Variants in NDST3 observed in about 807,000 individuals in gnomAD.
NDST3 encodes the protein bifunctional heparan sulfate N-deacetylase/N-sulfotransferase 3.
A neutral mutation model predicts 96.1 loss-of-function variants in NDST3; 58 were observed. The observed-to-expected ratio is 0.60, with a 90% CI of 0.49 to 0.75. The LOEUF (loss-of-function observed/expected upper bound fraction) is 0.75, where lower values mean the gene tolerates loss of function less well. Among genes scored for constraint, NDST3 ranks in the 30% least tolerant of loss-of-function variants. The probability of loss-of-function intolerance (pLI) is 0.00; values close to 1 mark genes in which losing one functional copy is unlikely to be tolerated. For missense variants in NDST3, 788 were observed against 1,034.2 expected, an observed-to-expected ratio of 0.76 and a Z score of 3.27; for synonymous variants, 333 against 359.7, an observed-to-expected ratio of 0.93 and a Z score of 0.84.
chr4:118,107,927 G>C (rs1298656309), intron 3 of NDST3, among the ~76,000 whole-genome samples: 1 of 152,130 alleles, frequency 6.6e-6, no homozygotes, highest in East Asian at 1.9e-4. Context: ...ACCTGAGACT[G>C]GGTAATTTAT....
intron 6 of NDST3, among the ~76,000 whole-genome samples, chr4:118,200,756 G>A (rs913189975): frequency 1.3e-5 from 2 of 152,100 alleles, no homozygotes; most frequent in Non-Finnish European, 2.9e-5. Flanking sequence ...ATAGATGAGA[G>A]TAATTTGGAA....
chr4:118,230,632 G>A (rs1214879733), intron 8 of NDST3, among the ~76,000 whole-genome samples: 1 of 151,988 alleles, frequency 6.6e-6, no homozygotes, highest in East Asian at 1.9e-4. Context: ...CCGAATCAGA[G>A]ATACTGGGAT....
intron 1 of NDST3, among the ~76,000 whole-genome samples, chr4:118,045,370 A>G (rs1267434543): frequency 6.6e-6 from 1 of 152,092 alleles, no homozygotes; most frequent in Non-Finnish European, 1.5e-5. Flanking sequence ...CCCTCACATT[A>G]TTATCATTCT....
intron 4 of NDST3, among the ~76,000 whole-genome samples, chr4:118,124,798 C>T (rs1442382360): frequency 1.3e-5 from 2 of 152,032 alleles, no homozygotes; most frequent in African/African-American, 2.4e-5. Context: ...TTATAAGTTG[C>T]TATAATGCCA....
intron 1 of NDST3, among the ~76,000 whole-genome samples, chr4:118,039,594 G>A (rs978993600): frequency 2.0e-5 from 3 of 152,152 alleles, no homozygotes; most frequent in African/African-American, 7.2e-5. Context: ...ATACTACAGA[G>A]GTAAAGTAGA....
rs1416006190 is a variant in NDST3 at position 118,257,102 on chromosome 4, A to T, written c.*1390A>T. 1 of 152,112 alleles carries T rather than the reference A, an allele frequency of 6.6e-6. No individual in the cohort carries two copies. Among genetic ancestry groups the T allele is most frequent in the African/African-American group, 2.4e-5 (1 of 41,404 alleles). The allele number at this position is 152,112 out of a possible 1,614,324, so 9.4% of individuals were successfully genotyped here. On this transcript the variant is annotated 3_prime_UTR_variant, in exon 14 of 14. Transcript: ENST00000296499. ...TAATAAAGTTTCCAAAAAAGAAAAG[A>T]ATACATCATACTTATTTTCCTGTTA... is the stretch of plus-strand genomic sequence containing the variant.
chr4:118,147,579 C>G (rs957930807), intron 6 of NDST3, among the ~76,000 whole-genome samples: 1 of 152,202 alleles, frequency 6.6e-6, no homozygotes, highest in African/African-American at 2.4e-5. Context: ...TTGGCAATGA[C>G]TGCATCTGCC....
At chr4:118,178,334 T>C (rs1310181964) in intron 6 of NDST3, among the ~76,000 whole-genome samples, 1 of 151,994 alleles carries the variant, frequency 6.6e-6, no homozygotes, top group East Asian at 1.9e-4. Context: ...AGCAATTCCG[T>C]ATTCCTCCTG....
intron 5 of NDST3, among the ~76,000 whole-genome samples, chr4:118,140,812 A>G (rs1331369467): frequency 6.6e-6 from 1 of 152,154 alleles, no homozygotes; most frequent in Non-Finnish European, 1.5e-5. Flanking sequence ...CATGTGGGAA[A>G]CTGTCCCCAT....
chr4:118,243,203 C>T (rs1030731518), intron 12 of NDST3, among the ~76,000 whole-genome samples: 2 of 151,902 alleles, frequency 1.3e-5, no homozygotes, highest in Admixed American at 6.6e-5. Context: ...GAGTAGTTTT[C>T]CCTTTTTTTG....
At position 118,054,505 on chromosome 4, in the gene NDST3, T is replaced by C; in HGVS notation, c.595T>C (p.Ser199Pro). 2 of 1,613,236 alleles carry C rather than the reference T, an allele frequency of 1.2e-6. No individual in the cohort carries two copies. The highest frequency in any genetic ancestry group is 1.7e-6 in the Non-Finnish European group (2 of 1,179,442). The change falls in exon 2 of 14, where the codon TCT becomes CCT. Residue 199 changes from serine (S) to proline (P), a missense_variant. Coordinates refer to ENST00000296499, the MANE Select transcript of NDST3 (RefSeq NM_004784.3). ...AAAAGATTGTTGTATTAATCCTCAT[T>C]CTCCATTGATTCGTGTGACCAAATC... ...AVKDCCINPH[S>P]PLIRVTKSSK...
At chr4:118,129,393 T>C (rs1462932289) in intron 4 of NDST3, among the ~76,000 whole-genome samples, 1 of 152,036 alleles carries the variant, frequency 6.6e-6, no homozygotes, top group African/African-American at 2.4e-5. Context: ...GTTTCCATTA[T>C]CATTTCTTTT....
At chr4:118,093,495 G>T (rs2125834220) in intron 2 of NDST3, among the ~76,000 whole-genome samples, 1 of 151,958 alleles carries the variant, frequency 6.6e-6, no homozygotes, top group South Asian at 2.1e-4. Flanking sequence ...ATAATTCAGT[G>T]AAGCTTCAGA....
intron 2 of NDST3, among the ~76,000 whole-genome samples, chr4:118,058,839 T>C (rs890223479): frequency 2.0e-5 from 3 of 152,138 alleles, no homozygotes; most frequent in Non-Finnish European, 4.4e-5. Flanking sequence ...AAGCACTTCA[T>C]GACCCAGTGA....
At chr4:118,201,996 C>A (rs945736887) in intron 6 of NDST3, among the ~76,000 whole-genome samples, 2 of 152,112 alleles carry the variant, frequency 1.3e-5, no homozygotes, top group Non-Finnish European at 2.9e-5. Flanking sequence ...TTTCATTCTT[C>A]TGCATACGGC....
intron 4 of NDST3, among the ~76,000 whole-genome samples, chr4:118,130,031 C>T (rs193143679): frequency 1.4e-4 from 21 of 152,010 alleles, no homozygotes; most frequent in African/African-American, 5.1e-4. Context: ...TTTCAATTGG[C>T]ATGGAATATC....
rs569213488 is a variant in NDST3, at chr4:118,190,736, T to C, written c.1540-33755T>C. Among the ~76,000 whole-genome samples, 23 of 152,256 alleles carry C rather than the reference T, an allele frequency of 1.5e-4. No individual in the cohort carries two copies. In the South Asian group the frequency reaches 2.7e-3, roughly 18 times the overall value. ...TGACTTTGCTGCATAGTTGCTGGTC[T>C]AGGCACTGAAAACATGTCTCCAGAC... On this transcript the variant is annotated intron_variant, in intron 6 of 13. Transcript: ENST00000296499.
chr4:118,189,417 T>A (rs923319282), intron 6 of NDST3, among the ~76,000 whole-genome samples: 1 of 152,202 alleles, frequency 6.6e-6, no homozygotes, highest in African/African-American at 2.4e-5. Flanking sequence ...ACATGTCAAA[T>A]AATCCTATTT....
chr4:118,036,652 A>G (rs1010874469), intron 1 of NDST3, among the ~76,000 whole-genome samples: 1 of 152,176 alleles, frequency 6.6e-6, no homozygotes, highest in African/African-American at 2.4e-5. Context: ...GGTGATTTTA[A>G]TATTTCTTGG....
Sources: gnomAD v4.1 joint callset for allele counts (sites outside exome capture counted in the v4.1 genomes callset) on GRCh38, gnomAD v4.1.1 for gene constraint, MANE v1.5 for transcripts, NCBI Gene and HGNC (gene_info 2026-07-23, HGNC 2026-07-21) for gene names.